Variants in KLRD1 observed in about 807,000 individuals in gnomAD.
The protein encoded by KLRD1 is killer cell lectin like receptor D1.
In KLRD1, 21 loss-of-function variants were observed where a neutral mutation model predicts 22.6. That is an observed-to-expected ratio of 0.93 (90% CI 0.66 to 1.34). The LOEUF is 1.34. Among genes scored for constraint, KLRD1 ranks in the 40% most tolerant of loss-of-function variants. The pLI, the probability that KLRD1 is intolerant of heterozygous loss-of-function variation, is 0.00. For synonymous variants in KLRD1, 59 were observed against 71.1 expected, an observed-to-expected ratio of 0.83 and a Z score of 0.85; for missense variants, 183 against 208.6, an observed-to-expected ratio of 0.88 and a Z score of 0.76.
chr12:10,262,135 C>T (rs529730571), intron 1 of KLRD1, among the ~76,000 whole-genome samples: 2 of 152,090 alleles, frequency 1.3e-5, no homozygotes, highest in South Asian at 2.1e-4. Context: ...CTTAAGTGAA[C>T]ACAATATGTT....
At chr12:10,273,252 C>T (rs1949564993) in intron 1 of KLRD1, among the ~76,000 whole-genome samples, 1 of 151,930 alleles carries the variant, frequency 6.6e-6, no homozygotes, top group Non-Finnish European at 1.5e-5. Flanking sequence ...GATAATTTTC[C>T]ATGATACATT....
At chr12:10,260,219 G>T (rs1949439445) in intron 1 of KLRD1, among the ~76,000 whole-genome samples, 1 of 152,148 alleles carries the variant, frequency 6.6e-6, no homozygotes, top group Non-Finnish European at 1.5e-5. Flanking sequence ...TATGGCAGTT[G>T]TTGTCAATCA....
rs1241470092 is a variant in KLRD1 at position 10,248,497 on chromosome 12, G to A, written c.-101+22264G>A. 2.0e-5 allele frequency among the ~76,000 whole-genome samples: 3 copies of A among 149,006 alleles called. No homozygotes were observed. In the East Asian group the frequency reaches 5.9e-4, roughly 30 times the overall value. ...ATTTTATTTTTATGTTTATTTTATT[G>A]TGTGAAATCAGTTTTATTTAAATGT... is the stretch of plus-strand genomic sequence containing the variant. On this transcript the variant is annotated intron_variant, in intron 1 of 5. Transcript: ENST00000544747.
chr12:10,254,284 A>G (rs7975901), intron 1 of KLRD1, among the ~76,000 whole-genome samples: 1 of 151,220 alleles, frequency 6.6e-6, no homozygotes, highest in Non-Finnish European at 1.5e-5. Context: ...AAAAATTAGC[A>G]GGGCGCGGTG....
At chr12:10,295,342 C>A (rs1433882398) in intron 1 of KLRD1, among the ~76,000 whole-genome samples, 1 of 152,074 alleles carries the variant, frequency 6.6e-6, no homozygotes, top group African/African-American at 2.4e-5. Flanking sequence ...CCTTGTGACA[C>A]TGTTCTATTC....
intron 5 of KLRD1, 59 bp downstream of exon 5, chr12:10,313,572 C>A: frequency 2.1e-6 from 2 of 947,894 alleles, no homozygotes; most frequent in Non-Finnish European, 3.3e-6. Context: ...TTAAATGTGA[C>A]TAGTAAAGGT....
At chr12:10,254,488 G>A (rs916946958) in intron 1 of KLRD1, among the ~76,000 whole-genome samples, 1 of 150,942 alleles carries the variant, frequency 6.6e-6, no homozygotes, top group Non-Finnish European at 1.5e-5. Flanking sequence ...GTACAGACTG[G>A]GAGAAAATAT....
intron 1 of KLRD1, among the ~76,000 whole-genome samples, chr12:10,279,418 C>A (rs1309525474): frequency 1.3e-5 from 2 of 152,092 alleles, no homozygotes; most frequent in Non-Finnish European, 1.5e-5. Context: ...CTTCCTGTTT[C>A]TCTAGTATAA....
intron 1 of KLRD1, 57 bp downstream of exon 1, chr12:10,308,141 T>G (rs1308563555): frequency 1.0e-5 from 15 of 1,480,520 alleles, no homozygotes; most frequent in African/African-American, 4.1e-5. Flanking sequence ...TTTCTTGGAT[T>G]GGCTGATTTT....
chr12:10,250,316 T>C (rs569917885), intron 1 of KLRD1, among the ~76,000 whole-genome samples: 49 of 149,510 alleles, frequency 3.3e-4, no homozygotes, highest in Non-Finnish European at 6.5e-4. Context: ...CATTTTAGCA[T>C]ACCCAAAGGC....
At chr12:10,308,245 G>A in intron 1 of KLRD1, 161 bp downstream of exon 1, 1 of 634,484 alleles carries the variant, frequency 1.6e-6, no homozygotes, top group East Asian at 2.8e-5. Flanking sequence ...ATATTTTCCT[G>A]ATTCTTCATT....
rs189744995 is a variant in KLRD1 at position 10,276,220 on chromosome 12, C to T, written c.-100-31758C>T. Among the ~76,000 whole-genome samples the T allele has an allele frequency of 1.8e-3, 278 of 152,064 alleles. 6 individuals carry two copies. Among genetic ancestry groups the T allele is most frequent in the Non-Finnish European group, 2.4e-4 (16 of 67,976 alleles). On this transcript the variant is annotated intron_variant, in intron 1 of 5. Transcript: ENST00000544747. ...TTCAGGACTATTATAAATAATAGTC[C>T]TTGGATGTTCTCTGTATTTCTTAAA...
At chr12:10,241,731 A>C (rs1056562563) in intron 1 of KLRD1, among the ~76,000 whole-genome samples, 1 of 152,154 alleles carries the variant, frequency 6.6e-6, no homozygotes. Context: ...CTGATATTGG[A>C]TAGTATGTGT....
chr12:10,249,663 G>A (rs1949326840), intron 1 of KLRD1, among the ~76,000 whole-genome samples: 1 of 152,170 alleles, frequency 6.6e-6, no homozygotes, highest in Non-Finnish European at 1.5e-5. Context: ...AATTTATTGA[G>A]AAGCATCCTT....
chr12:10,327,657 T>C lies in KLRD1; in HGVS notation c.*12864T>C, dbSNP rs574705588. On this transcript the variant is annotated 3_prime_UTR_variant, in exon 6 of 6. Coordinates refer to ENST00000336164, the MANE Select transcript of KLRD1 (RefSeq NM_002262.5). Reference sequence around the variant, plus strand: ...TACTTCTTCTTTTACAATCTGTATGTTGTTAATTTCTTTTCCTTGCCTAAG... The same window carrying C: ...TACTTCTTCTTTTACAATCTGTATGCTGTTAATTTCTTTTCCTTGCCTAAG... 3.3e-5 allele frequency: 5 copies of C among 152,284 alleles called. No homozygotes were observed. The highest frequency in any genetic ancestry group is 2.6e-4 in the Admixed American group (4 of 15,290). The allele number at this position is 152,284 out of a possible 1,614,324, so 9.4% of individuals were successfully genotyped here.
intron 1 of KLRD1, among the ~76,000 whole-genome samples, chr12:10,250,160 C>G (rs1037205419): frequency 6.7e-6 from 1 of 148,860 alleles, no homozygotes; most frequent in Non-Finnish European, 1.5e-5. Flanking sequence ...CACTCTCTCT[C>G]TTAAGTCCTT....
intron 4 of KLRD1, among the ~76,000 whole-genome samples, chr12:10,312,771 C>CA (rs930841712): frequency 6.6e-6 from 1 of 151,260 alleles, no homozygotes; most frequent in Non-Finnish European, 1.5e-5. Context: ...GGGCGGATCA[C>CA]AGTCAGGAGA....
At chr12:10,264,451 G>A (rs1412568879) in intron 1 of KLRD1, among the ~76,000 whole-genome samples, 1 of 152,092 alleles carries the variant, frequency 6.6e-6, no homozygotes, top group Non-Finnish European at 1.5e-5. Context: ...AATTATCAAA[G>A]TAGTATGTCC....
chr12:10,262,158 T>C (rs549173159), intron 1 of KLRD1, among the ~76,000 whole-genome samples: 1 of 152,232 alleles, frequency 6.6e-6, no homozygotes, highest in South Asian at 2.1e-4. Flanking sequence ...AAATTCTCTA[T>C]TGATAATTAT....
Sources: gnomAD v4.1 joint callset for allele counts (sites outside exome capture counted in the v4.1 genomes callset) on GRCh38, gnomAD v4.1.1 for gene constraint, MANE v1.5 for transcripts, NCBI Gene and HGNC (gene_info 2026-07-23, HGNC 2026-07-21) for gene names.